IQCH: variants seen among roughly 807,000 people sequenced by gnomAD.
IQCH encodes IQ domain-containing protein H.
Under a neutral mutation model 117.0 loss-of-function variants are expected in IQCH, and 98 were observed. The observed-to-expected ratio is 0.84, with a 90% CI of 0.71 to 0.99. The LOEUF (loss-of-function observed/expected upper bound fraction) is 0.99, where lower values mean the gene tolerates loss of function less well. Ranked by LOEUF, IQCH falls within the 50% of genes least tolerant of loss-of-function variation. The probability of loss-of-function intolerance (pLI) is 0.00; values close to 1 mark genes in which losing one functional copy is unlikely to be tolerated. For missense variants in IQCH, 1,102 were observed against 1,243.8 expected (o/e 0.89, Z 1.72); for synonymous variants, 412 against 448.2 (o/e 0.92, Z 1.02).
At chr15:67,276,127 T>G (rs1966111847) in intron 3 of IQCH, among the ~76,000 whole-genome samples, 1 of 152,232 alleles carries the variant, frequency 6.6e-6, no homozygotes, top group African/African-American at 2.4e-5. Context: ...GGAAAATTTC[T>G]CAAGCATATG....
At chr15:67,461,389 G>A (rs796646206) in intron 16 of IQCH, among the ~76,000 whole-genome samples, 5 of 152,280 alleles carry the variant, frequency 3.3e-5, no homozygotes, top group African/African-American at 1.2e-4. Context: ...CTGGAATTGC[G>A]AATGCACCCT....
chr15:67,367,211 A>G (rs1402130887), intron 8 of IQCH, among the ~76,000 whole-genome samples: 1 of 152,180 alleles, frequency 6.6e-6, no homozygotes, highest in Non-Finnish European at 1.5e-5. Context: ...GATAGGAATT[A>G]GTTTGACAAA....
chr15:67,378,858 C>T (rs921447357), intron 10 of IQCH, among the ~76,000 whole-genome samples: 2 of 151,986 alleles, frequency 1.3e-5, no homozygotes, highest in Admixed American at 1.3e-4. Context: ...TTAAAAGGCT[C>T]GTTCAGTGGT....
rs140126574 is a variant in IQCH at position 67,412,927 on chromosome 15, A to G, written c.2098-4004A>G. On this transcript the variant is annotated intron_variant, in intron 14 of 20. Coordinates refer to ENST00000335894, the MANE Select transcript of IQCH (RefSeq NM_001031715.3). ...GCCTCAGCTCCCATTTTAAAGCAAG[A>G]GAAATAACATGGTAGTGGCCACTGC... Among the ~76,000 whole-genome samples, 179 of 152,298 alleles carry G rather than the reference A, an allele frequency of 1.2e-3. 1 individual carries two copies. The highest frequency in any genetic ancestry group is 1.9e-3 in the Non-Finnish European group (129 of 68,024).
At position 67,359,727 on chromosome 15, in the gene IQCH, A is replaced by G; in HGVS notation, c.715-120A>G. 2 of 839,462 alleles carry G rather than the reference A, an allele frequency of 2.4e-6. No individual in the cohort carries two copies. The highest frequency in any genetic ancestry group is 4.9e-5 in the East Asian group (2 of 40,876). The allele number at this position is 839,462 out of a possible 1,614,324, so 52.0% of individuals were successfully genotyped here. ...AGCTCCTGCCTGCGTGGAAAGAGAG[A>G]ACAGGCTGGCCCAGCGGGTAAAATG... On this transcript the variant is annotated intron_variant, in intron 7 of 20. Transcript: ENST00000335894. This position sits in a 1 kb window ranked among gnomAD's most constrained non-coding sequence, Gnocchi z 4.5.
chr15:67,323,116 C>G lies in IQCH; in HGVS notation c.388-13859C>G, dbSNP rs117918615. 6.4e-4 allele frequency among the ~76,000 whole-genome samples: 97 copies of G among 152,232 alleles called. No individual in the cohort carries two copies. The East Asian group carries it at 0.018, about 28-fold the overall frequency. On this transcript the variant is annotated intron_variant, in intron 4 of 20. Coordinates refer to ENST00000335894, the MANE Select transcript of IQCH (RefSeq NM_001031715.3). ...GCCTTCGTCAGTTTTCACTGGGGAC[C>G]TGCCCCTATCTGCCTAATTATTTAT...
chr15:67,271,859 C>CA (rs528356723), intron 3 of IQCH, among the ~76,000 whole-genome samples: 1 of 151,716 alleles, frequency 6.6e-6, no homozygotes, highest in Non-Finnish European at 1.5e-5. Context: ...TTTATCTTTT[C>CA]AAAAAACCAC....
chr15:67,325,123 G>A (rs556606706), intron 4 of IQCH, among the ~76,000 whole-genome samples: 190 of 151,764 alleles, frequency 1.3e-3, no homozygotes, highest in African/African-American at 4.3e-3. Context: ...CTTGTTATTC[G>A]GATTAGGTAA....
chr15:67,311,583 T>C (rs568706598), intron 4 of IQCH, among the ~76,000 whole-genome samples: 23 of 148,226 alleles, frequency 1.6e-4, no homozygotes, highest in Middle Eastern at 7.1e-3. Flanking sequence ...AATATAAATA[T>C]TTATATAATA....
Position 67,473,140 on chromosome 15 carries a change from G to GAATTATCTTGTGAT in IQCH, c.2677-2543_2677-2542insTAATTATCTTGTGA, listed in dbSNP as rs2083115079. On this transcript the variant is annotated intron_variant, in intron 17 of 20. Transcript: ENST00000335894. The surrounding 1 kb of genome is among the most constrained non-coding windows in gnomAD (Gnocchi z 4.9). ...AGTTTAGAAGACAAAAATAACCTTGGAATTATCTTGTGAATTCATGGCAAT... is the reference window on the plus strand; with the variant it reads ...AGTTTAGAAGACAAAAATAACCTTGGAATTATCTTGTGATAATTATCTTGTGAATTCATGGCAAT... Among the ~76,000 whole-genome samples the GAATTATCTTGTGAT allele has an allele frequency of 6.6e-6, 1 of 152,146 alleles. No individual in the cohort carries two copies. Among genetic ancestry groups the GAATTATCTTGTGAT allele is most frequent in the Non-Finnish European group, 1.5e-5 (1 of 68,016 alleles).
At chr15:67,460,423 T>A (rs1366742629) in intron 16 of IQCH, among the ~76,000 whole-genome samples, 1 of 152,246 alleles carries the variant, frequency 6.6e-6, no homozygotes, top group Non-Finnish European at 1.5e-5. Context: ...TTTTGCTGTT[T>A]TGTGCATCTT....
intron 16 of IQCH, among the ~76,000 whole-genome samples, chr15:67,441,558 A>C (rs1188768455): frequency 2.0e-5 from 3 of 152,218 alleles, no homozygotes; most frequent in African/African-American, 7.2e-5. Flanking sequence ...AATGGAACTA[A>C]ATAGAGAACC....
intron 4 of IQCH, among the ~76,000 whole-genome samples, chr15:67,308,006 A>G (rs4776917): frequency 0.2 from 30,699 of 152,106 alleles, 3,959 homozygotes; most frequent in East Asian, 0.47. Flanking sequence ...TGTACGTATC[A>G]GCATTCCTTG....
intron 14 of IQCH, among the ~76,000 whole-genome samples, chr15:67,412,212 C>T (rs183956019): frequency 6.6e-6 from 1 of 152,178 alleles, no homozygotes; most frequent in Admixed American, 6.5e-5. Context: ...TTTTCTAGCA[C>T]TTGTTTATTA....
chr15:67,268,022 C>T (rs1460636474), intron 3 of IQCH, among the ~76,000 whole-genome samples: 1 of 152,128 alleles, frequency 6.6e-6, no homozygotes, highest in African/African-American at 2.4e-5. Context: ...AACTGAGGCT[C>T]AGAGAGGTTA....
chr15:67,303,331 G>A (rs1041266522), intron 4 of IQCH, among the ~76,000 whole-genome samples: 2 of 152,070 alleles, frequency 1.3e-5, no homozygotes, highest in Admixed American at 6.5e-5. Context: ...TCTCATTTTC[G>A]GGGGATGCAC....
Position 67,467,260 on chromosome 15 carries a change from G to A in IQCH, c.2676+1963G>A, listed in dbSNP as rs1178995535. On this transcript the variant is annotated intron_variant, in intron 17 of 20. Transcript: ENST00000335894. This position sits in a 1 kb window ranked among gnomAD's most constrained non-coding sequence, Gnocchi z 5.7. The stretch of plus-strand genomic sequence containing the variant: ...TAAAAATAAAGCTGGAAGCAGAGTG[G>A]TATTCAGCACAAGACTTCCAAAGAC... Among the ~76,000 whole-genome samples, 1 of 152,106 alleles carries A rather than the reference G, an allele frequency of 6.6e-6. No homozygotes were observed. Among genetic ancestry groups the A allele is most frequent in the African/African-American group, 2.4e-5 (1 of 41,406 alleles).
At chr15:67,289,440 C>G (rs938711616) in intron 4 of IQCH, among the ~76,000 whole-genome samples, 7 of 151,994 alleles carry the variant, frequency 4.6e-5, no homozygotes, top group African/African-American at 1.7e-4. Context: ...ACGACTTGAT[C>G]ATGGGGGATT....
Position 67,500,512 on chromosome 15 carries a change from T to C in IQCH, c.2971-121T>C, listed in dbSNP as rs893010832. 6 of 445,750 alleles carry C rather than the reference T, an allele frequency of 1.3e-5. No individual in the cohort carries two copies. The highest frequency in any genetic ancestry group is 8.1e-5 in the African/African-American group (4 of 49,442). 27.6% of individuals were successfully genotyped at this position (445,750 alleles called of 1,614,324 possible). Reference sequence around the variant, plus strand: ...CCATAATCTGTAGACAAATGCCAGTTGGTAGAATACATTCTGAATAGAACT... The same window carrying C: ...CCATAATCTGTAGACAAATGCCAGTCGGTAGAATACATTCTGAATAGAACT... On this transcript the variant is annotated intron_variant, in intron 20 of 20. Coordinates refer to ENST00000335894, the MANE Select transcript of IQCH (RefSeq NM_001031715.3). This position sits in a 1 kb window ranked among gnomAD's most constrained non-coding sequence, Gnocchi z 4.4.
Sources: gnomAD v4.1 joint callset for allele counts (sites outside exome capture counted in the v4.1 genomes callset) on GRCh38, gnomAD v4.1.1 for gene constraint, Gnocchi (gnomAD v3.1) non-coding constraint, MANE v1.5 for transcripts, NCBI Gene and HGNC (gene_info 2026-07-23, HGNC 2026-07-21) for gene names.